SCFD2: variants seen among roughly 807,000 people sequenced by gnomAD.
SCFD2 encodes the protein sec1 family domain containing 2, also known as sec1 family domain-containing protein 2.
A neutral mutation model predicts 58.9 loss-of-function variants in SCFD2; 54 were observed. The ratio of observed to expected loss-of-function variants is 0.92; its 90% CI spans 0.74 to 1.15. The LOEUF (loss-of-function observed/expected upper bound fraction) is 1.15. SCFD2 is among the 50% of genes most tolerant of loss of function. The pLI, the probability that SCFD2 is intolerant of heterozygous loss-of-function variation, is 0.00. For synonymous variants in SCFD2, 321 were observed against 335.9 expected (o/e 0.96, Z 0.49); for missense variants, 805 against 836.6 (o/e 0.96, Z 0.47).
intron 5 of SCFD2, among the ~76,000 whole-genome samples, chr4:52,999,383 C>T (rs2148799471): frequency 6.6e-6 from 1 of 152,272 alleles, no homozygotes; most frequent in Middle Eastern, 3.4e-3. Context: ...CAATTCTGTT[C>T]CTCTTGCCCA....
intron 8 of SCFD2, among the ~76,000 whole-genome samples, chr4:52,878,738 T>C (rs986757728): frequency 6.6e-6 from 1 of 152,204 alleles, no homozygotes; most frequent in Admixed American, 6.5e-5. Flanking sequence ...AATTAAGCAC[T>C]AGAGAATTCC....
At chr4:53,214,571 G>A (rs1465654426) in intron 4 of SCFD2, among the ~76,000 whole-genome samples, 1 of 152,062 alleles carries the variant, frequency 6.6e-6, no homozygotes, top group Admixed American at 6.5e-5. Flanking sequence ...CAGATGAGTA[G>A]GTTGCAAAAA....
chr4:53,227,633 C>A (rs1384381781), intron 4 of SCFD2, among the ~76,000 whole-genome samples: 1 of 152,134 alleles, frequency 6.6e-6, no homozygotes, highest in African/African-American at 2.4e-5. Context: ...ACTGGGAAGT[C>A]TAAACCCTTT....
intron 5 of SCFD2, among the ~76,000 whole-genome samples, chr4:52,927,259 A>C (rs1468877451): frequency 1.3e-5 from 2 of 152,190 alleles, no homozygotes; most frequent in African/African-American, 4.8e-5. Flanking sequence ...AAATTAAAAT[A>C]TAAATGTGTT....
chr4:53,330,846 A>G (rs367968702), intron 2 of SCFD2, among the ~76,000 whole-genome samples: 2 of 152,120 alleles, frequency 1.3e-5, no homozygotes, highest in African/African-American at 4.8e-5. Flanking sequence ...GTATTCAGGA[A>G]ACCCATCTCA....
chr4:53,285,607 A>T (rs1731640733), intron 3 of SCFD2, among the ~76,000 whole-genome samples: 1 of 152,036 alleles, frequency 6.6e-6, no homozygotes, highest in Non-Finnish European at 1.5e-5. Context: ...AATTTCAAGC[A>T]GAATGACTAA....
At chr4:53,141,361 C>A (rs184621545) in intron 5 of SCFD2, among the ~76,000 whole-genome samples, 2 of 152,110 alleles carry the variant, frequency 1.3e-5, no homozygotes, top group East Asian at 3.9e-4. Context: ...CCCAGCTTTA[C>A]GTAACTGCAA....
At chr4:53,292,752 G>GT (rs1454925473) in intron 3 of SCFD2, among the ~76,000 whole-genome samples, 1 of 152,132 alleles carries the variant, frequency 6.6e-6, no homozygotes, top group East Asian at 1.9e-4. Context: ...ACATGCACGT[G>GT]TATGTTCATT....
At chr4:53,079,946 A>C (rs1724092337) in intron 5 of SCFD2, among the ~76,000 whole-genome samples, 1 of 152,216 alleles carries the variant, frequency 6.6e-6, no homozygotes, top group African/African-American at 2.4e-5. Context: ...ATACATTTTA[A>C]TATATACATG....
At chr4:52,942,483 AG>A (rs953834822) in intron 5 of SCFD2, among the ~76,000 whole-genome samples, 1 of 152,184 alleles carries the variant, frequency 6.6e-6, no homozygotes, top group African/African-American at 2.4e-5. Context: ...CCAGGGAGCC[AG>A]GGAGACTGTT....
At chr4:52,974,812 CA>C (rs1161400588) in intron 5 of SCFD2, among the ~76,000 whole-genome samples, 5 of 151,958 alleles carry the variant, frequency 3.3e-5, no homozygotes, top group African/African-American at 4.8e-5. Flanking sequence ...GTACTGGTAC[CA>C]AAACAGAGAT....
intron 5 of SCFD2, among the ~76,000 whole-genome samples, chr4:52,968,517 T>G (rs1169904523): frequency 6.6e-6 from 1 of 152,226 alleles, no homozygotes; most frequent in Non-Finnish European, 1.5e-5. Flanking sequence ...CATGTATGTG[T>G]GTTCAGCATT....
chr4:52,902,807 G>A (rs1330732023), intron 7 of SCFD2, among the ~76,000 whole-genome samples: 1 of 152,162 alleles, frequency 6.6e-6, no homozygotes, highest in African/African-American at 2.4e-5. Context: ...GTTAGTAAAC[G>A]GTGGAGCTTG....
chr4:53,126,516 A>C (rs182502669), intron 5 of SCFD2, among the ~76,000 whole-genome samples: 1 of 152,288 alleles, frequency 6.6e-6, no homozygotes, highest in African/African-American at 2.4e-5. Flanking sequence ...GGGTTTTGCC[A>C]TGTTGGCCAG....
intron 4 of SCFD2, among the ~76,000 whole-genome samples, chr4:53,218,574 G>C (rs1012215914): frequency 2.6e-5 from 4 of 152,238 alleles, no homozygotes; most frequent in African/African-American, 9.6e-5. Context: ...TAGCTTCTTT[G>C]CGATGGGTTT....
At chr4:52,922,472 C>T (rs1719761777) in intron 5 of SCFD2, among the ~76,000 whole-genome samples, 1 of 152,096 alleles carries the variant, frequency 6.6e-6, no homozygotes, top group Admixed American at 6.5e-5. Flanking sequence ...GCTTCTTTCA[C>T]TTATTGTAAT....
chr4:53,296,097 T>A lies in SCFD2; in HGVS notation c.1135+17539A>T, dbSNP rs536840064. On this transcript the variant is annotated intron_variant, in intron 3 of 8. Transcript: ENST00000401642. ...CATCAGGTATATTGGCTTAAAATTT[T>A]CTTTTTGTGTTGTGTCTCTGTCAGG... Among the ~76,000 whole-genome samples the A allele has an allele frequency of 1.2e-4, 18 of 152,268 alleles. No homozygotes were observed. The South Asian group carries it at 3.7e-3, about 32-fold the overall frequency.
At chr4:52,989,535 A>G (rs1723324251) in intron 5 of SCFD2, among the ~76,000 whole-genome samples, 1 of 152,212 alleles carries the variant, frequency 6.6e-6, no homozygotes, top group Admixed American at 6.5e-5. Context: ...AATACAATGC[A>G]AAGAAGGAAT....
At chr4:53,051,022 T>A (rs1336222132) in intron 5 of SCFD2, among the ~76,000 whole-genome samples, 1 of 152,200 alleles carries the variant, frequency 6.6e-6, no homozygotes, top group Non-Finnish European at 1.5e-5. Context: ...TATTACAATT[T>A]CATAATTAAC....
Sources: gnomAD v4.1 joint callset for allele counts (sites outside exome capture counted in the v4.1 genomes callset) on GRCh38, gnomAD v4.1.1 for gene constraint, MANE v1.5 for transcripts, NCBI Gene and HGNC (gene_info 2026-07-23, HGNC 2026-07-21) for gene names.